SYT1: variants seen among roughly 807,000 people sequenced by gnomAD.
SYT1 encodes the protein synaptotagmin 1.
Under a neutral mutation model 44.8 loss-of-function variants are expected in SYT1, and 8 were observed. The ratio of observed to expected loss-of-function variants is 0.18; its 90% confidence interval spans 0.10 to 0.32. The LOEUF is 0.32. Among genes scored for constraint, SYT1 ranks in the 10% least tolerant of loss-of-function variants. The pLI, the probability that SYT1 is intolerant of heterozygous loss-of-function variation, is 1.00. For synonymous variants in SYT1, 154 were observed against 188.8 expected (o/e 0.82, Z 1.51); for missense variants, 286 against 509.3 (o/e 0.56, Z 4.22).
At chr12:78,878,676 T>C (rs956764144) in intron 1 of SYT1, among the ~76,000 whole-genome samples, 2 of 151,760 alleles carry the variant, frequency 1.3e-5, no homozygotes, top group African/African-American at 4.8e-5. Context: ...GAAGTAATGA[T>C]TCATTCACAT....
intron 1 of SYT1, among the ~76,000 whole-genome samples, chr12:78,920,413 G>A (rs892974261): frequency 6.6e-6 from 1 of 151,932 alleles, no homozygotes; most frequent in Non-Finnish European, 1.5e-5. Flanking sequence ...AACAGATGAT[G>A]CCATCATCTA....
intron 2 of SYT1, among the ~76,000 whole-genome samples, chr12:79,033,409 C>T (rs1296530914): frequency 1.3e-5 from 2 of 151,410 alleles, no homozygotes; most frequent in Non-Finnish European, 3.0e-5. Flanking sequence ...AATATAATTA[C>T]ATTACTTTAA....
intron 9 of SYT1, among the ~76,000 whole-genome samples, chr12:79,388,615 G>C (rs755987938): frequency 6.6e-6 from 1 of 152,122 alleles, no homozygotes; most frequent in African/African-American, 2.4e-5. Context: ...GGAGGCTGAG[G>C]TCAGAGGATC....
rs932146924 is a variant in SYT1 at position 79,022,896 on chromosome 12, G to A, written c.-83-24401G>A. On this transcript the variant is annotated intron_variant, in intron 2 of 10. Coordinates refer to ENST00000261205, the MANE Select transcript of SYT1 (RefSeq NM_005639.3). Reference sequence around the variant, plus strand: ...CCAGGATCTAGCTTTCGAAAGACAAGCAAATCTCTGTGTACCTTAGTTTTA... The same window carrying A: ...CCAGGATCTAGCTTTCGAAAGACAAACAAATCTCTGTGTACCTTAGTTTTA... Among the ~76,000 whole-genome samples, 6 of 151,692 alleles carry A rather than the reference G, an allele frequency of 4.0e-5. No homozygotes were observed. The East Asian group carries it at 1.2e-3, about 29-fold the overall frequency.
chr12:79,330,983 C>G (rs879427493), intron 8 of SYT1, among the ~76,000 whole-genome samples: 5 of 152,152 alleles, frequency 3.3e-5, no homozygotes, highest in African/African-American at 7.2e-5. Flanking sequence ...AGTCCATTTT[C>G]GTTTCCTGCA....
intron 3 of SYT1, among the ~76,000 whole-genome samples, chr12:79,131,199 A>G (rs1565819930): frequency 2.0e-5 from 3 of 151,724 alleles, no homozygotes; most frequent in Admixed American, 2.0e-4. Flanking sequence ...TTTGTTACAT[A>G]GGTATACATG....
intron 9 of SYT1, among the ~76,000 whole-genome samples, chr12:79,426,598 T>C (rs1869463704): frequency 6.6e-6 from 1 of 152,166 alleles, no homozygotes; most frequent in Non-Finnish European, 1.5e-5. Context: ...TCTTGCAATA[T>C]TGTATGATAG....
intron 9 of SYT1, among the ~76,000 whole-genome samples, chr12:79,388,646 G>A (rs992954789): frequency 6.6e-6 from 1 of 152,132 alleles, no homozygotes; most frequent in Non-Finnish European, 1.5e-5. Flanking sequence ...GGGATGTGGC[G>A]GTTGCAATGA....
intron 3 of SYT1, among the ~76,000 whole-genome samples, chr12:79,089,655 TATG>T (rs1220788136): frequency 6.6e-6 from 1 of 152,034 alleles, no homozygotes; most frequent in Non-Finnish European, 1.5e-5. Flanking sequence ...TCTGTCTTAA[TATG>T]ATAACAAGGG....
At chr12:79,438,977 G>GA (rs1043171438) in intron 9 of SYT1, among the ~76,000 whole-genome samples, 1 of 152,096 alleles carries the variant, frequency 6.6e-6, no homozygotes, top group African/African-American at 2.4e-5. Flanking sequence ...GGAGTCACGA[G>GA]AAAAAGTAAG....
intron 3 of SYT1, among the ~76,000 whole-genome samples, chr12:79,134,014 G>T (rs1466097808): frequency 6.6e-6 from 1 of 151,932 alleles, no homozygotes; most frequent in Non-Finnish European, 1.5e-5. Flanking sequence ...CTGGTCATGT[G>T]GCAATTTTCT....
chr12:79,003,574 T>C (rs958308445), intron 2 of SYT1, among the ~76,000 whole-genome samples: 5 of 152,018 alleles, frequency 3.3e-5, no homozygotes, highest in Admixed American at 1.3e-4. Context: ...AATGTAGTAG[T>C]AAAATAAACC....
At position 78,978,936 on chromosome 12, in the gene SYT1, C is replaced by T. The variant is rs577132756; in HGVS notation, c.-84+1005C>T. Among the ~76,000 whole-genome samples, 9 of 152,230 alleles carry T rather than the reference C, an allele frequency of 5.9e-5. No homozygotes were observed. In the South Asian group the frequency reaches 6.2e-4, roughly 11 times the overall value. On this transcript the variant is annotated intron_variant, in intron 2 of 10. Transcript: ENST00000261205. The stretch of plus-strand genomic sequence containing the variant: ...TATTTATTAAGTAAATGTACCTATA[C>T]GCTTATGCGATACTGGATCATAATA...
intron 9 of SYT1, among the ~76,000 whole-genome samples, chr12:79,374,763 A>G (rs776578497): frequency 1.1e-4 from 17 of 152,216 alleles, no homozygotes; most frequent in Non-Finnish European, 2.5e-4. Flanking sequence ...CCTACTTACT[A>G]AGTGCCACAG....
chr12:79,032,309 AC>A (rs1457058221), intron 2 of SYT1, among the ~76,000 whole-genome samples: 1 of 151,300 alleles, frequency 6.6e-6, no homozygotes, highest in East Asian at 1.9e-4. Flanking sequence ...AACAACAATA[AC>A]AAAAACAAAC....
chr12:79,404,387 C>T (rs7133421), intron 9 of SYT1, among the ~76,000 whole-genome samples: 20,317 of 152,144 alleles, frequency 0.13, 1,844 homozygotes, highest in Middle Eastern at 0.34. Flanking sequence ...ACCTTCCACA[C>T]CCTCACAAAA....
chr12:79,003,571 T>C (rs1032452307), intron 2 of SYT1, among the ~76,000 whole-genome samples: 1 of 152,044 alleles, frequency 6.6e-6, no homozygotes, highest in Non-Finnish European at 1.5e-5. Flanking sequence ...AATAATGTAG[T>C]AGTAAAATAA....
intron 2 of SYT1, among the ~76,000 whole-genome samples, chr12:79,037,244 A>G (rs185344174): frequency 6.6e-6 from 1 of 151,310 alleles, no homozygotes; most frequent in Admixed American, 6.6e-5. Flanking sequence ...CTCAGTCCCA[A>G]TTAACTTCCC....
chr12:78,917,575 C>CGTTGT (rs945056823), intron 1 of SYT1, among the ~76,000 whole-genome samples: 1 of 150,510 alleles, frequency 6.6e-6, no homozygotes, highest in Non-Finnish European at 1.5e-5. Context: ...CAAACCTGCA[C>CGTTGT]GTTGTGCACA....
Sources: allele counts gnomAD v4.1 joint callset (sites outside exome capture counted in the v4.1 genomes callset), GRCh38; gene constraint gnomAD v4.1.1; transcripts MANE v1.5; gene names NCBI Gene and HGNC (gene_info 2026-07-23, HGNC 2026-07-21).